GZMB: variants seen among roughly 807,000 people sequenced by gnomAD.
The protein encoded by GZMB is granzyme B.
In GZMB, 27 loss-of-function variants were observed where a neutral mutation model predicts 24.2. The observed-to-expected ratio is 1.12, with a 90% CI of 0.82 to 1.54. The LOEUF is 1.54. GZMB is among the 40% of genes most tolerant of loss of function. The pLI is 0.00. For missense variants in GZMB, 336 were observed against 310.1 expected (o/e 1.08, Z -0.63); for synonymous variants, 121 against 115.1 (o/e 1.05, Z -0.33).
rs1397574445 is a variant in GZMB at position 24,634,153 on chromosome 14, G to T, written c.8C>A (p.Pro3Gln). ...GAGGAAGGCCAGCAGAAGCAGGATT[G>T]GTTGCATCTTCTCAGGAAGGCTGCC... MQ[P>Q]ILLLLAFLLL... The change falls in exon 1 of 5, where the codon CCA (proline) becomes CAA (glutamine). Residue 3 changes from proline (P) to glutamine (Q), a missense_variant. Physicochemically the swap from Pro to Gln is moderately conservative, Grantham distance 76. Coordinates refer to ENST00000216341, the MANE Select transcript of GZMB (RefSeq NM_004131.6). 1.3e-5 allele frequency: 20 copies of T among 1,591,566 alleles called. No homozygotes were observed. Among genetic ancestry groups the T allele is most frequent in the African/African-American group, 9.4e-5 (7 of 74,864 alleles).
Position 24,631,958 on chromosome 14 carries a change from A to G in GZMB, c.500T>C (p.Val167Ala). 6.2e-7 allele frequency: 1 copy of G among 1,614,220 alleles called. No homozygotes were observed. The highest frequency in any genetic ancestry group is 1.1e-5 in the South Asian group (1 of 91,090). ...AGATTCGCACTTTCGATCTTCCTGCACTGTCATCTTCACCTCTTGTAGTGT... is the reference window on the plus strand; with the variant it reads ...AGATTCGCACTTTCGATCTTCCTGCGCTGTCATCTTCACCTCTTGTAGTGT... ...SHTLQEVKMT[V>A]QEDRKCESDL... Residue 167 changes from valine to alanine, a missense_variant, in exon 4 of 5, where the codon GTG becomes GCG. By Grantham distance (64) the Val-to-Ala change is moderately conservative. Transcript: ENST00000216341.
At chr14:24,634,039 A>C in intron 1 of GZMB, 67 bp downstream of exon 1, 1 of 1,318,014 alleles carries the variant, frequency 7.6e-7, no homozygotes, top group Non-Finnish European at 1.1e-6. Flanking sequence ...TGGATCAGGA[A>C]TGTGGAGAAA....
Position 24,631,061 on chromosome 14 carries a change from CTTCCTGTAGTTAGTAGCGT to C in GZMB, c.735_*9del. 1.9e-6 allele frequency: 3 copies of C among 1,609,846 alleles called. No individual in the cohort carries two copies. The highest frequency in any genetic ancestry group is 2.6e-6 in the Non-Finnish European group (3 of 1,176,322). ...TTCATTACAGCGGGGGCTTAGTTTG[CTTCCTGTAGTTAGTAGCGT>C]TTCATGGTTTTCTTTATCCAGTGTA... On this transcript the variant is annotated stop_lost and 3_prime_UTR_variant, in exon 5 of 5. Transcript: ENST00000216341.
rs375750638 is a variant in GZMB, at chr14:24,631,135, G to T, written c.680C>A (p.Pro227Gln). ...VSYGRNNGMPPRACTKVSSFV... is the reference protein window; with the variant it reads ...VSYGRNNGMPQRACTKVSSFV... ...GCTTGAGACTTTGGTGCAGGCTCGT[G>T]GAGGCATGCCATTGTTTCGTCCATA... The change falls in exon 5 of 5, where the codon CCA becomes CAA. Residue 227 changes from proline (P) to glutamine (Q), a missense_variant. Physicochemically the swap from Pro to Gln is moderately conservative, Grantham distance 76. Coordinates refer to ENST00000216341, the MANE Select transcript of GZMB (RefSeq NM_004131.6). 26 of 1,612,220 alleles carry T rather than the reference G, an allele frequency of 1.6e-5. No individual in the cohort carries two copies. The highest frequency in any genetic ancestry group is 2.1e-5 in the Non-Finnish European group (25 of 1,178,408).
Position 24,632,008 on chromosome 14 carries a change from C to T in GZMB, c.450G>A (p.Thr150=), listed in dbSNP as rs948226358. ...TGTGTGAGTGTTTTCCCAGGGGGGC[C>T]GTCTGCCCCCAGCCGGCCACACTGC... ...QTCSVAGWGQ[T]APLGKHSHTL... Residue 150 remains threonine (T), a synonymous_variant, in exon 4 of 5, where the codon ACG becomes ACA. Coordinates refer to ENST00000216341, the MANE Select transcript of GZMB (RefSeq NM_004131.6). 51 of 1,614,148 alleles carry T rather than the reference C, an allele frequency of 3.2e-5. 1 individual carries two copies. The highest frequency in any genetic ancestry group is 8.0e-5 in the African/African-American group (6 of 75,050).
rs542058235 is a variant in GZMB at position 24,631,085 on chromosome 14, T to A, written c.730A>T (p.Met244Leu). The A allele has an allele frequency of 8.1e-6, 13 of 1,613,414 alleles. No individual in the cohort carries two copies. Among genetic ancestry groups the A allele is most frequent in the Middle Eastern group, 1.7e-4 (1 of 6,056 alleles). The change falls in exon 5 of 5, where the codon ATG becomes TTG. Residue 244 changes from methionine to leucine, a missense_variant. By Grantham distance (15) the Met-to-Leu change is conservative. Coordinates refer to ENST00000216341, the MANE Select transcript of GZMB (RefSeq NM_004131.6). ...GCTTCCTGTAGTTAGTAGCGTTTCA[T>A]GGTTTTCTTTATCCAGTGTACAAAG... is the stretch of plus-strand genomic sequence containing the variant. ...SSFVHWIKKT[M>L]KRY
chr14:24,632,074 C>T lies in GZMB; in HGVS notation c.384G>A (p.Arg128=), dbSNP rs1443107372. 6.8e-6 allele frequency: 11 copies of T among 1,614,064 alleles called. No homozygotes were observed. The highest frequency in any genetic ancestry group is 9.3e-6 in the Non-Finnish European group (11 of 1,180,024). The change falls in exon 4 of 5, where the codon AGG becomes AGA. Residue 128 remains arginine (R), a synonymous_variant. Transcript: ENST00000216341. ...TCACCTGGGCCTTGTTGCTAGGTAG[C>T]CTGAGGGGCTGCACAGCTCTGGTCC... ...AKRTRAVQPL[R]LPSNKAQVKP...
rs201073774 is a variant in GZMB, at chr14:24,631,978, T to C, written c.480A>G (p.Leu160=). The C allele has an allele frequency of 6.9e-5, 112 of 1,614,204 alleles. No homozygotes were observed. The African/African-American group carries it at 1.3e-3, about 18-fold the overall frequency. ...TAPLGKHSHT[L]QEVKMTVQED... ...CCTGCACTGTCATCTTCACCTCTTG[T>C]AGTGTGTGTGAGTGTTTTCCCAGGG... The change falls in exon 4 of 5, where the codon CTA becomes CTG. Residue 160 remains leucine, a synonymous_variant. Coordinates refer to ENST00000216341, the MANE Select transcript of GZMB (RefSeq NM_004131.6).
rs545182439 is a variant in GZMB, at chr14:24,631,035, T to C, written c.*36A>G. ...TCTGGACTTGGCTCCAGAGAAGGTG[T>C]TTCATTACAGCGGGGGCTTAGTTTG... is the stretch of plus-strand genomic sequence containing the variant. On this transcript the variant is annotated 3_prime_UTR_variant, in exon 5 of 5. Transcript: ENST00000216341. 5.8e-6 allele frequency: 9 copies of C among 1,559,286 alleles called. No homozygotes were observed. The highest frequency in any genetic ancestry group is 1.4e-5 in the African/African-American group (1 of 73,568).
At chr14:24,633,366 T>G in intron 1 of GZMB, 3 of 913,150 alleles carry the variant, frequency 3.3e-6, no homozygotes, top group South Asian at 5.1e-5. Flanking sequence ...TCCAAGACCC[T>G]TATGAGTCCT....
intron 2 of GZMB, 53 bp downstream of exon 2, chr14:24,632,862 G>T: frequency 6.4e-7 from 1 of 1,557,054 alleles, no homozygotes; most frequent in South Asian, 1.1e-5. Context: ...GAAGAAGGCA[G>T]GGGTCTCTGT....
At chr14:24,631,588 G>A in intron 4 of GZMB, 1 of 569,098 alleles carries the variant, frequency 1.8e-6, no homozygotes, top group East Asian at 2.9e-5. Flanking sequence ...CACCCCCAGT[G>A]GGCACAGTTT....
rs1285389671 is a variant in GZMB, at chr14:24,632,096, G to A, written c.362C>T (p.Thr121Ile). 6.2e-7 allele frequency: 1 copy of A among 1,614,054 alleles called. No individual in the cohort carries two copies. ...LLQLERKAKRTRAVQPLRLPS... is the reference protein window; with the variant it reads ...LLQLERKAKRIRAVQPLRLPS... Reference sequence around the variant, plus strand: ...TAGCCTGAGGGGCTGCACAGCTCTGGTCCGCTTGGCCTTTCTCTCCAGCTG... The same window carrying A: ...TAGCCTGAGGGGCTGCACAGCTCTGATCCGCTTGGCCTTTCTCTCCAGCTG... The change falls in exon 4 of 5, where the codon ACC becomes ATC. Residue 121 changes from threonine to isoleucine, a missense_variant. Coordinates refer to ENST00000216341, the MANE Select transcript of GZMB (RefSeq NM_004131.6).
chr14:24,633,152 G>A, intron 1 of GZMB, 90 bp from the exon 2 acceptor site: 2 of 1,499,426 alleles, frequency 1.3e-6, no homozygotes, highest in Non-Finnish European at 8.9e-7. Flanking sequence ...GGGCATTTGG[G>A]AGCCTGGGAT....
chr14:24,632,500 G>T (rs10873219), intron 2 of GZMB, 41 bp from the exon 3 acceptor site: 316,435 of 1,612,180 alleles, frequency 0.2, 31,633 homozygotes, highest in Middle Eastern at 0.24. Context: ...GGAGTCACAG[G>T]GTATACAGCC....
intron 2 of GZMB, 43 bp downstream of exon 2, chr14:24,632,872 T>A: frequency 1.9e-6 from 3 of 1,583,550 alleles, no homozygotes; most frequent in Non-Finnish European, 2.6e-6. Flanking sequence ...GGGGTCTCTG[T>A]GGAGTGTTTC....
At position 24,631,154 on chromosome 14, in the gene GZMB, G is replaced by C. The variant is rs369959551; in HGVS notation, c.661C>G (p.Arg221Gly). 9 of 1,611,696 alleles carry C rather than the reference G, an allele frequency of 5.6e-6. No individual in the cohort carries two copies. The highest frequency in any genetic ancestry group is 7.6e-6 in the Non-Finnish European group (9 of 1,177,842). The change falls in exon 5 of 5, where the codon CGA becomes GGA. Residue 221 changes from arginine to glycine, a missense_variant. Physicochemically the swap from Arg to Gly is moderately radical, Grantham distance 125. Coordinates refer to ENST00000216341, the MANE Select transcript of GZMB (RefSeq NM_004131.6). ...KVAQGIVSYGRNNGMPPRACT... is the reference protein window; with the variant it reads ...KVAQGIVSYGGNNGMPPRACT... ...GCTCGTGGAGGCATGCCATTGTTTC[G>C]TCCATAGGAGACAATGCCCTGGGCC... is the stretch of plus-strand genomic sequence containing the variant.
chr14:24,631,532 C>T (rs2066994417), intron 4 of GZMB: 2 of 542,528 alleles, frequency 3.7e-6, no homozygotes, highest in South Asian at 4.9e-5. Context: ...GCCCATTAAC[C>T]ACGTTGGGTA....
In GZMB at chr14:24,633,028, G is replaced by A. The variant is rs150732480; in HGVS notation, c.90C>T (p.His30=). 2 of 1,613,304 alleles carry A rather than the reference G, an allele frequency of 1.2e-6. No homozygotes were observed. Among genetic ancestry groups the A allele is most frequent in the African/African-American group, 2.7e-5 (2 of 74,912 alleles). ...TAAGATAAGCCATGTAGGGGCGGGA[G>A]TGGGGCTTGGCCTCATGTCCCCCGA... The part of the protein sequence containing the change: ...EIIGGHEAKP[H]SRPYMAYLMI... Residue 30 remains histidine, a synonymous_variant, in exon 2 of 5, where the codon CAC becomes CAT. Coordinates refer to ENST00000216341, the MANE Select transcript of GZMB (RefSeq NM_004131.6).
Sources: gnomAD v4.1 joint callset for allele counts on GRCh38, gnomAD v4.1.1 for gene constraint, MANE v1.5 for transcripts, NCBI Gene and HGNC (gene_info 2026-07-23, HGNC 2026-07-21) for gene names.